ZRANB1: variants seen among roughly 807,000 people sequenced by gnomAD.
The protein encoded by ZRANB1 is ubiquitin thioesterase ZRANB1.
ZRANB1 carries 16 observed loss-of-function variants against 80.5 expected under a neutral mutation model. The ratio of observed to expected loss-of-function variants is 0.20; its 90% CI spans 0.13 to 0.30. ZRANB1 has a LOEUF of 0.30. ZRANB1 is among the 10% of genes least tolerant of loss of function. ZRANB1 has a pLI of 1.00. For missense variants in ZRANB1, 576 were observed against 862.6 expected, an observed-to-expected ratio of 0.67 and a Z score of 4.16; for synonymous variants, 291 against 293.1, an observed-to-expected ratio of 0.99 and a Z score of 0.07.
the ZRANB1 span, among the ~76,000 whole-genome samples, chr10:124,922,334 A>AT: frequency 6.8e-4 from 28 of 41,410 alleles, 1 homozygote; most frequent in Admixed American, 1.5e-3. Context: ...ATGTATATAT[A>AT]TATTTTTTTT....
chr10:124,918,309 G>T, the ZRANB1 span, among the ~76,000 whole-genome samples: 1 of 152,104 alleles, frequency 6.6e-6, no homozygotes, highest in Admixed American at 6.6e-5. Flanking sequence ...TCCTGCTTCT[G>T]CCTCCCGAGT....
At chr10:124,979,446 A>AT (rs1346105878) in intron 5 of ZRANB1, among the ~76,000 whole-genome samples, 13 of 151,990 alleles carry the variant, frequency 8.6e-5, no homozygotes, top group African/African-American at 2.9e-4. Flanking sequence ...CTTTGCAGAT[A>AT]TTTTTTTCTA....
At chr10:124,945,913 G>C (rs544465148) in intron 1 of ZRANB1, 1 of 151,954 alleles carries the variant, frequency 6.6e-6, no homozygotes, top group Non-Finnish European at 1.5e-5. Context: ...CAGCCTCCTG[G>C]GTAGCTGGGA....
chr10:124,956,099 T>C (rs1396291932), intron 1 of ZRANB1, among the ~76,000 whole-genome samples: 1 of 152,228 alleles, frequency 6.6e-6, no homozygotes, highest in African/African-American at 2.4e-5. Context: ...TGCCTTTTTA[T>C]GCTGAGAAAG....
the ZRANB1 span, among the ~76,000 whole-genome samples, chr10:124,935,115 C>T: frequency 2.5e-4 from 38 of 152,164 alleles, no homozygotes; most frequent in Non-Finnish European, 1.2e-4. Context: ...TTAATAATTT[C>T]GTGGATTCAA....
rs909854801 is a variant in ZRANB1, at chr10:124,985,987, G to A, written c.*995G>A. The stretch of plus-strand genomic sequence containing the variant: ...GAATACCAATTCACTACAGAATAAA[G>A]ATTTTAAAAATGCAATAAGGTGGCA... On this transcript the variant is annotated 3_prime_UTR_variant, in exon 9 of 9. Coordinates refer to ENST00000359653, the MANE Select transcript of ZRANB1 (RefSeq NM_017580.3). 1.3e-5 allele frequency: 2 copies of A among 152,274 alleles called. No homozygotes were observed. The highest frequency in any genetic ancestry group is 6.5e-5 in the Admixed American group (1 of 15,274). 9.4% of individuals were successfully genotyped at this position (152,274 alleles called of 1,614,324 possible). A position where few individuals can be genotyped will look rare whatever the true frequency, so the allele number is the denominator to read the frequency against.
the ZRANB1 span, among the ~76,000 whole-genome samples, chr10:124,929,287 C>T: frequency 1.3e-5 from 2 of 151,440 alleles, no homozygotes; most frequent in Non-Finnish European, 2.9e-5. Flanking sequence ...CTGGGGTTCA[C>T]TTCCTAGCCT....
chr10:124,927,136 T>C, the ZRANB1 span, among the ~76,000 whole-genome samples: 8 of 151,954 alleles, frequency 5.3e-5, no homozygotes, highest in African/African-American at 1.9e-4. Flanking sequence ...TTTGTATTTT[T>C]AGTGGAGATG....
chr10:124,985,452 T>G lies in ZRANB1; in HGVS notation c.*460T>G, dbSNP rs1952011655. Reference sequence around the variant, plus strand: ...CTACTTTCACCTTAAAAGATCCATCTAAGTCTCAGATCTGGAAACGTTTTG... The same window carrying G: ...CTACTTTCACCTTAAAAGATCCATCGAAGTCTCAGATCTGGAAACGTTTTG... On this transcript the variant is annotated 3_prime_UTR_variant, in exon 9 of 9. Coordinates refer to ENST00000359653, the MANE Select transcript of ZRANB1 (RefSeq NM_017580.3). 1 of 153,578 alleles carries G rather than the reference T, an allele frequency of 6.5e-6. No homozygotes were observed. Among genetic ancestry groups the G allele is most frequent in the South Asian group, 2.1e-4 (1 of 4,872 alleles). 9.5% of individuals were successfully genotyped at this position (153,578 alleles called of 1,614,324 possible).
chr10:124,926,527 T>C, the ZRANB1 span, among the ~76,000 whole-genome samples: 2 of 152,154 alleles, frequency 1.3e-5, no homozygotes, highest in Non-Finnish European at 2.9e-5. Context: ...CACTGGAAGG[T>C]CTTCGGGGGC....
chr10:124,921,831 CT>C, the ZRANB1 span, among the ~76,000 whole-genome samples: 1 of 151,464 alleles, frequency 6.6e-6, no homozygotes, highest in Non-Finnish European at 1.5e-5. Context: ...GCATTCTTTG[CT>C]TTTTGGAAGG....
At chr10:124,924,405 A>G in the ZRANB1 span, among the ~76,000 whole-genome samples, 534 of 152,216 alleles carry the variant, frequency 3.5e-3, 2 homozygotes, top group African/African-American at 0.012. Context: ...AGAGTTGTAC[A>G]GCCATTACCA....
intron 1 of ZRANB1, among the ~76,000 whole-genome samples, chr10:124,960,758 G>C (rs1347721091): frequency 6.6e-6 from 1 of 151,666 alleles, no homozygotes; most frequent in Non-Finnish European, 1.5e-5. Context: ...TTACCCTCTA[G>C]TAAAAAAAAG....
Position 124,943,278 on chromosome 10 carries a change from CTGAT to C in ZRANB1, c.788_791del (p.Asp263GlyfsTer11), listed in dbSNP as rs1951552172. 6.2e-7 allele frequency: 1 copy of C among 1,613,792 alleles called. No homozygotes were observed. The highest frequency in any genetic ancestry group is 8.5e-7 in the Non-Finnish European group (1 of 1,179,810). On this transcript the variant is annotated frameshift_variant, in exon 1 of 9. Coordinates refer to ENST00000359653, the MANE Select transcript of ZRANB1 (RefSeq NM_017580.3). LOFTEE classifies it high-confidence loss of function. ...CAAATTAAAAACAGGATGAAAAAGA[CTGAT>C]TGGCTCTTCCTCAATGCTTGTGTGG... is the stretch of plus-strand genomic sequence containing the variant.
At chr10:124,932,413 C>T in the ZRANB1 span, among the ~76,000 whole-genome samples, 2 of 151,600 alleles carry the variant, frequency 1.3e-5, no homozygotes, top group Non-Finnish European at 2.9e-5. Flanking sequence ...CTTCAGCCTC[C>T]CAAGTAGCTG....
the ZRANB1 span, among the ~76,000 whole-genome samples, chr10:124,924,897 G>T: frequency 4.6e-5 from 7 of 150,998 alleles, no homozygotes; most frequent in Non-Finnish European, 8.8e-5. Flanking sequence ...CAAAGTGGTT[G>T]CATCATTTTG....
In ZRANB1 at chr10:124,985,675, T is replaced by C. The variant is rs1435556492; in HGVS notation, c.*683T>C. 2 of 152,626 alleles carry C rather than the reference T, an allele frequency of 1.3e-5. No homozygotes were observed. Among genetic ancestry groups the C allele is most frequent in the Non-Finnish European group, 2.9e-5 (2 of 68,030 alleles). The allele number at this position is 152,626 out of a possible 1,614,324, so 9.5% of individuals were successfully genotyped here. A position where few individuals can be genotyped will look rare whatever the true frequency, so the allele number is the denominator to read the frequency against. ...TATTGTGTCTTTAAGTTTTCTGATA[T>C]GCCCCCTTTCAATATTTAGATATTT... On this transcript the variant is annotated 3_prime_UTR_variant, in exon 9 of 9. Transcript: ENST00000359653.
At chr10:124,920,102 T>C in the ZRANB1 span, among the ~76,000 whole-genome samples, 1 of 151,850 alleles carries the variant, frequency 6.6e-6, no homozygotes, top group South Asian at 2.1e-4. Flanking sequence ...TTTGTATTTT[T>C]AGTAGAGACA....
intron 1 of ZRANB1, among the ~76,000 whole-genome samples, chr10:124,944,843 C>T (rs1422139509): frequency 6.6e-6 from 1 of 151,570 alleles, no homozygotes; most frequent in East Asian, 1.9e-4. Flanking sequence ...AAAGAATATC[C>T]CAGCAGATGA....
Sources: allele counts gnomAD v4.1 joint callset (sites outside exome capture counted in the v4.1 genomes callset), GRCh38; gene constraint gnomAD v4.1.1; transcripts MANE v1.5; gene names NCBI Gene and HGNC (gene_info 2026-07-23, HGNC 2026-07-21).